Variants in PDE4D observed in about 807,000 individuals in gnomAD.
PDE4D encodes the protein 3',5'-cyclic-AMP phosphodiesterase 4D.
A neutral mutation model predicts 87.4 loss-of-function variants in PDE4D; 24 were observed. The ratio of observed to expected loss-of-function variants is 0.27; its 90% confidence interval spans 0.20 to 0.39. PDE4D has a LOEUF of 0.39. Among genes scored for constraint, PDE4D ranks in the 10% least tolerant of loss-of-function variants. The pLI, the probability that PDE4D is intolerant of heterozygous loss-of-function variation, is 1.00. For missense variants in PDE4D, 714 were observed against 1,041.0 expected (o/e 0.69, Z 4.32); for synonymous variants, 384 against 383.2 (o/e 1.00, Z -0.02).
chr5:59,580,694 A>C (rs1823965621), intron 1 of PDE4D, among the ~76,000 whole-genome samples: 1 of 152,046 alleles, frequency 6.6e-6, no homozygotes, highest in African/African-American at 2.4e-5. Context: ...GGTCTCTAAT[A>C]AATTGTTATT....
intron 3 of PDE4D, among the ~76,000 whole-genome samples, chr5:59,956,812 ATAAAT>A (rs1330727380): frequency 2.6e-5 from 4 of 152,210 alleles, no homozygotes; most frequent in Admixed American, 2.6e-4. Context: ...GCTAACAAAA[ATAAAT>A]TAGACTGACT....
intron 5 of PDE4D, among the ~76,000 whole-genome samples, chr5:59,062,557 G>C (rs751626939): frequency 6.6e-6 from 1 of 152,056 alleles, no homozygotes; most frequent in Non-Finnish European, 1.5e-5. Context: ...GAGGAGTTTA[G>C]GGATAGAGGG....
chr5:60,141,960 C>T (rs1209785689), intron 2 of PDE4D, among the ~76,000 whole-genome samples: 1 of 152,070 alleles, frequency 6.6e-6, no homozygotes, highest in Non-Finnish European at 1.5e-5. Flanking sequence ...AATAATAACT[C>T]AAAACAACAA....
intron 1 of PDE4D, among the ~76,000 whole-genome samples, chr5:59,780,902 C>T (rs547659209): frequency 6.6e-6 from 1 of 152,268 alleles, no homozygotes; most frequent in East Asian, 1.9e-4. Flanking sequence ...CGCAGTGGCT[C>T]ATGCCTGTAA....
chr5:58,975,183 A>C lies in PDE4D; in HGVS notation c.2014-103T>G. The stretch of plus-strand genomic sequence containing the variant: ...CCACAAATAAAACACTGAACAGAAG[A>C]CTACTAAACTTAGTTTGGTAAAATT... On this transcript the variant is annotated intron_variant, in intron 14 of 14. Coordinates refer to ENST00000340635, the MANE Select transcript of PDE4D (RefSeq NM_001104631.2). This position sits in a 1 kb window ranked among gnomAD's most constrained non-coding sequence, Gnocchi z 4.2. 1 of 614,766 alleles carries C rather than the reference A, an allele frequency of 1.6e-6. No individual in the cohort carries two copies. Among genetic ancestry groups the C allele is most frequent in the African/African-American group, 1.8e-5 (1 of 54,252 alleles). 38.1% of individuals were successfully genotyped at this position (614,766 alleles called of 1,614,324 possible).
chr5:60,424,943 A>G (rs192191099), intron 1 of PDE4D, among the ~76,000 whole-genome samples: 4,166 of 152,328 alleles, frequency 0.027, 92 homozygotes, highest in Middle Eastern at 0.078. Flanking sequence ...ATTGCTACAA[A>G]GAGAATAAAA....
At chr5:59,114,268 T>TTAAAGTA (rs534697798) in intron 5 of PDE4D, among the ~76,000 whole-genome samples, 75 of 152,256 alleles carry the variant, frequency 4.9e-4, no homozygotes, top group African/African-American at 1.8e-3. Context: ...TTGGAAGGAT[T>TTAAAGTA]TAAAGTATAT....
At chr5:59,238,528 T>C (rs183815281) in intron 1 of PDE4D, among the ~76,000 whole-genome samples, 1 of 152,324 alleles carries the variant, frequency 6.6e-6, no homozygotes, top group East Asian at 1.9e-4. Flanking sequence ...ATTCGACTTT[T>C]GTTGAGCACC....
Position 58,972,705 on chromosome 5 carries a change from G to T in PDE4D, c.*1959C>A, listed in dbSNP as rs1742829245. On this transcript the variant is annotated 3_prime_UTR_variant, in exon 15 of 15. Transcript: ENST00000340635. ...TTAAAGTCTTCATAGAGAAGGTAAA[G>T]AAGACTTTATTAAGGCTGACGTGGG... 1 of 152,246 alleles carries T rather than the reference G, an allele frequency of 6.6e-6. No individual in the cohort carries two copies. The highest frequency in any genetic ancestry group is 2.1e-4 in the South Asian group (1 of 4,818). 9.4% of individuals were successfully genotyped at this position (152,246 alleles called of 1,614,324 possible).
chr5:59,598,952 C>T (rs1310023818), intron 1 of PDE4D, among the ~76,000 whole-genome samples: 1 of 152,054 alleles, frequency 6.6e-6, no homozygotes, highest in Admixed American at 6.6e-5. Context: ...TTCCCATTCC[C>T]CCCAGTGACC....
intron 1 of PDE4D, chr5:60,188,206 T>C (rs1784930778): frequency 6.6e-6 from 1 of 152,216 alleles, no homozygotes; most frequent in African/African-American, 2.4e-5. Flanking sequence ...CAGCATACTT[T>C]TATTAGGATC....
At chr5:59,455,684 C>A (rs73097337) in intron 1 of PDE4D, among the ~76,000 whole-genome samples, 12,140 of 152,154 alleles carry the variant, frequency 0.08, 1,436 homozygotes, top group African/African-American at 0.25. Context: ...CAGTTTGCGC[C>A]ATGTGTGGAA....
At chr5:59,344,477 C>T (rs1779304119) in intron 1 of PDE4D, among the ~76,000 whole-genome samples, 1 of 152,092 alleles carries the variant, frequency 6.6e-6, no homozygotes, top group Non-Finnish European at 1.5e-5. Context: ...ATCACATTCA[C>T]TGCAGCCTTG....
chr5:59,200,279 CTACAAGTATACATACATAT>C (rs1467207654), intron 2 of PDE4D, among the ~76,000 whole-genome samples: 2,249 of 120,010 alleles, frequency 0.019, 181 homozygotes, highest in African/African-American at 0.07. Context: ...GTATGTACAG[CTACAAGTATACATACATAT>C]GTGTATGTAC....
intron 6 of PDE4D, among the ~76,000 whole-genome samples, chr5:59,010,545 T>C (rs887196194): frequency 6.6e-6 from 1 of 152,116 alleles, no homozygotes; most frequent in Non-Finnish European, 1.5e-5. Context: ...AGTTTAGTTA[T>C]TTCATGGTGA....
chr5:60,230,110 A>G (rs1486303546), intron 1 of PDE4D, among the ~76,000 whole-genome samples: 1 of 152,130 alleles, frequency 6.6e-6, no homozygotes, highest in Non-Finnish European at 1.5e-5. Flanking sequence ...CTGGATTACA[A>G]CTGGGATTTT....
Position 59,985,124 on chromosome 5 carries a change from G to GTTTTTTTTTTTTT in PDE4D, c.272+3363_272+3364insAAAAAAAAAAAAA, listed in dbSNP as rs762506771. Reference sequence around the variant, plus strand: ...AATATAAGCCCGAACTTCACCTTTCGTTTTTTGTTTTTTGTTTTTTGTTTT... The same window carrying GTTTTTTTTTTTTT: ...AATATAAGCCCGAACTTCACCTTTCGTTTTTTTTTTTTTTTTTTTGTTTTTTGTTTTTTGTTTT... On this transcript the variant is annotated intron_variant, in intron 3 of 16. Transcript: ENST00000502484. Among the ~76,000 whole-genome samples, 227 of 111,298 alleles carry GTTTTTTTTTTTTT rather than the reference G, an allele frequency of 2.0e-3. 55 individuals carry two copies. Among genetic ancestry groups the GTTTTTTTTTTTTT allele is most frequent in the East Asian group, 0.019 (51 of 2,648 alleles). 73.0% of individuals were successfully genotyped at this position (111,298 alleles called of 152,430 possible).
At chr5:59,580,017 A>C (rs550498860) in intron 1 of PDE4D, among the ~76,000 whole-genome samples, 2 of 152,346 alleles carry the variant, frequency 1.3e-5, no homozygotes, top group South Asian at 4.1e-4. Context: ...AGGAAAGGCT[A>C]TTCACATTCA....
At chr5:60,328,636 T>G (rs1172805294) in intron 1 of PDE4D, among the ~76,000 whole-genome samples, 5 of 152,230 alleles carry the variant, frequency 3.3e-5, no homozygotes, top group Non-Finnish European at 7.3e-5. Flanking sequence ...TTTTGTAGAT[T>G]TTTTTGGGCT....
Sources: gnomAD v4.1 joint callset for allele counts (sites outside exome capture counted in the v4.1 genomes callset) on GRCh38, gnomAD v4.1.1 for gene constraint, Gnocchi (gnomAD v3.1) non-coding constraint, MANE v1.5 for transcripts, NCBI Gene and HGNC (gene_info 2026-07-23, HGNC 2026-07-21) for gene names.